NRROS: variants seen among roughly 807,000 people sequenced by gnomAD.
NRROS encodes the protein negative regulator of reactive oxygen species.
A neutral mutation model predicts 12.0 loss-of-function variants in NRROS; 6 were observed. The observed-to-expected ratio is 0.50, with a 90% CI of 0.27 to 0.98. The LOEUF (loss-of-function observed/expected upper bound fraction) is 0.98, where lower values mean the gene tolerates loss of function less well. NRROS is among the 50% of genes least tolerant of loss of function. NRROS has a pLI of 0.11. For missense variants in NRROS, 857 were observed against 888.2 expected (o/e 0.96, Z 0.45); for synonymous variants, 462 against 410.2 (o/e 1.13, Z -1.53).
chr3:196,643,909 C>A (rs1052296711), intron 1 of NRROS, among the ~76,000 whole-genome samples: 2 of 152,198 alleles, frequency 1.3e-5, no homozygotes, highest in African/African-American at 2.4e-5. Context: ...AAGGCTGAGC[C>A]TTTTCCCTTG....
chr3:196,645,664 C>G lies in NRROS; in HGVS notation c.-14+5789C>G, dbSNP rs937475153. 2.6e-5 allele frequency among the ~76,000 whole-genome samples: 4 copies of G among 152,208 alleles called. No homozygotes were observed. The East Asian group carries it at 7.7e-4, about 29-fold the overall frequency. ...CTCTTGTCAGGAATCCATATGCTTT[C>G]GTTCTTCAATCGTACACTTTCTCAA... On this transcript the variant is annotated intron_variant, in intron 1 of 2. Transcript: ENST00000328557.
rs116169343 is a variant in NRROS, at chr3:196,653,186, G to C, written c.-13-1341G>C. On this transcript the variant is annotated intron_variant, in intron 1 of 2. Coordinates refer to ENST00000328557, the MANE Select transcript of NRROS (RefSeq NM_198565.3). Reference sequence around the variant, plus strand: ...TGTGTGGGTGCAGAGGCAGAAATGGGTCTGGAAGGGGATTCCCAGTGTCTG... The same window carrying C: ...TGTGTGGGTGCAGAGGCAGAAATGGCTCTGGAAGGGGATTCCCAGTGTCTG... Among the ~76,000 whole-genome samples, 477 of 152,272 alleles carry C rather than the reference G, an allele frequency of 3.1e-3. 3 individuals are homozygous for C. The highest frequency in any genetic ancestry group is 5.6e-3 in the Non-Finnish European group (380 of 68,022).
intron 1 of NRROS, among the ~76,000 whole-genome samples, chr3:196,640,083 C>T (rs1022412078): frequency 6.6e-6 from 1 of 152,230 alleles, no homozygotes; most frequent in Admixed American, 6.5e-5. Context: ...GTGGAAATAC[C>T]TCCCTCCAGG....
chr3:196,653,482 C>T (rs74645217), intron 1 of NRROS, among the ~76,000 whole-genome samples: 5,173 of 152,318 alleles, frequency 0.034, 297 homozygotes, highest in African/African-American at 0.12. Flanking sequence ...GGAGGGCAGA[C>T]ACTGGGCCTC....
chr3:196,640,762 G>A (rs892922011), intron 1 of NRROS, among the ~76,000 whole-genome samples: 2 of 152,168 alleles, frequency 1.3e-5, no homozygotes, highest in Non-Finnish European at 2.9e-5. Flanking sequence ...TGGTGGCTGC[G>A]ACTGGAGGAG....
At chr3:196,650,945 G>A (rs1469771525) in intron 1 of NRROS, among the ~76,000 whole-genome samples, 5 of 152,210 alleles carry the variant, frequency 3.3e-5, no homozygotes, top group African/African-American at 7.2e-5. Context: ...CTCGGGAAGC[G>A]GCTGGGCTTT....
At chr3:196,655,748 G>A (rs1378971646) in intron 2 of NRROS, among the ~76,000 whole-genome samples, 5 of 152,176 alleles carry the variant, frequency 3.3e-5, no homozygotes, top group East Asian at 1.9e-4. Flanking sequence ...AAGAAGACCC[G>A]GAGCGTGGAT....
chr3:196,651,910 C>G lies in NRROS; in HGVS notation c.-13-2617C>G, dbSNP rs77864490. Among the ~76,000 whole-genome samples the G allele has an allele frequency of 1.1e-4, 17 of 152,280 alleles. No homozygotes were observed. The South Asian group carries it at 3.3e-3, about 30-fold the overall frequency. The stretch of plus-strand genomic sequence containing the variant: ...TATGCTGGATTCTTTCTGCCCTCTA[C>G]TGTCTGACCTCCCAGGAGGAGTGTC... On this transcript the variant is annotated intron_variant, in intron 1 of 2. Transcript: ENST00000328557.
At chr3:196,645,813 T>G (rs770118721) in intron 1 of NRROS, among the ~76,000 whole-genome samples, 3 of 152,138 alleles carry the variant, frequency 2.0e-5, no homozygotes, top group Non-Finnish European at 4.4e-5. Flanking sequence ...GGGTGCTCGC[T>G]TCTCCCCTGG....
chr3:196,643,422 C>T (rs548075872), intron 1 of NRROS, among the ~76,000 whole-genome samples: 1 of 152,330 alleles, frequency 6.6e-6, no homozygotes, highest in Admixed American at 6.5e-5. Flanking sequence ...AATGTGGCCA[C>T]AAAGCCTGGT....
At chr3:196,648,007 T>G (rs190142745) in intron 1 of NRROS, among the ~76,000 whole-genome samples, 1 of 152,320 alleles carries the variant, frequency 6.6e-6, no homozygotes, top group Admixed American at 6.5e-5. Context: ...CAGCCTGTAT[T>G]TCCATTTTTA....
At chr3:196,641,160 CA>C (rs1737200952) in intron 1 of NRROS, among the ~76,000 whole-genome samples, 2 of 151,754 alleles carry the variant, frequency 1.3e-5, no homozygotes, top group Non-Finnish European at 2.9e-5. Flanking sequence ...CAAAACAAAA[CA>C]AAACAAAACA....
In NRROS at chr3:196,654,726, G is replaced by T. The variant is rs1737503233; in HGVS notation, c.108+79G>T. The T allele has an allele frequency of 1.1e-6, 1 of 893,890 alleles. No individual in the cohort carries two copies. Among genetic ancestry groups the T allele is most frequent in the Non-Finnish European group, 1.8e-6 (1 of 564,606 alleles). 55.4% of individuals were successfully genotyped at this position (893,890 alleles called of 1,614,324 possible). ...GGTCCATTTGGAAAGCTGACAGATTGTCCATCAGGAAGGGCAGAGAATGAA... is the reference window on the plus strand; with the variant it reads ...GGTCCATTTGGAAAGCTGACAGATTTTCCATCAGGAAGGGCAGAGAATGAA... On this transcript the variant is annotated intron_variant, in intron 2 of 2. Coordinates refer to ENST00000328557, the MANE Select transcript of NRROS (RefSeq NM_198565.3). This position sits in a 1 kb window ranked among gnomAD's most constrained non-coding sequence, Gnocchi z 4.4.
At chr3:196,642,301 A>G (rs1005405897) in intron 1 of NRROS, among the ~76,000 whole-genome samples, 1 of 152,164 alleles carries the variant, frequency 6.6e-6, no homozygotes, top group Non-Finnish European at 1.5e-5. Context: ...AGAAAAAAAA[A>G]AAGGATTTAT....
At chr3:196,642,340 C>T (rs1737225238) in intron 1 of NRROS, among the ~76,000 whole-genome samples, 1 of 151,066 alleles carries the variant, frequency 6.6e-6, no homozygotes, top group Non-Finnish European at 1.5e-5. Context: ...AGTGTATGGG[C>T]AATAGTTTCA....
In NRROS at chr3:196,660,532, A is replaced by T. The variant is rs774968107; in HGVS notation, c.889A>T (p.Arg297Trp). 1 of 1,614,098 alleles carries T rather than the reference A, an allele frequency of 6.2e-7. No homozygotes were observed. The highest frequency in any genetic ancestry group is 1.7e-5 in the Admixed American group (1 of 59,986). The change falls in exon 3 of 3, where the codon AGG becomes TGG. Residue 297 changes from arginine (R) to tryptophan (W), a missense_variant. Physicochemically the swap from Arg to Trp is moderately radical, Grantham distance 101 (BLOSUM62 -3). Transcript: ENST00000328557. The surrounding 1 kb of genome is among the most constrained non-coding windows in gnomAD (Gnocchi z 7.7). ...YRDLYNTSSPREMVAQFLLVD... is the reference protein window; with the variant it reads ...YRDLYNTSSPWEMVAQFLLVD... ...GGACCTGTACAACACCTCGTCGCCG[A>T]GGGAGATGGTGGCCCAGTTCCTCCT...
chr3:196,645,632 A>T (rs1357906795), intron 1 of NRROS, among the ~76,000 whole-genome samples: 2 of 152,162 alleles, frequency 1.3e-5, no homozygotes, highest in Admixed American at 6.5e-5. Context: ...TTGACCTTTG[A>T]ATCGGCCTCT....
At chr3:196,640,075 G>A (rs1008287477) in intron 1 of NRROS, among the ~76,000 whole-genome samples, 200 bp downstream of exon 1, 3 of 152,224 alleles carry the variant, frequency 2.0e-5, no homozygotes, top group South Asian at 2.1e-4. Flanking sequence ...GGGTGGAGGT[G>A]GAAATACCTC....
At chr3:196,640,326 T>C (rs940329017) in intron 1 of NRROS, among the ~76,000 whole-genome samples, 2 of 152,196 alleles carry the variant, frequency 1.3e-5, no homozygotes, top group African/African-American at 4.8e-5. Context: ...CACTGGGCTC[T>C]CCTTTCCTGT....
Sources: allele counts gnomAD v4.1 joint callset (sites outside exome capture counted in the v4.1 genomes callset), GRCh38; gene constraint gnomAD v4.1.1; non-coding constraint Gnocchi (gnomAD v3.1); transcripts MANE v1.5; gene names NCBI Gene and HGNC (gene_info 2026-07-23, HGNC 2026-07-21).